Variants in SHLD1 observed in about 807,000 individuals in gnomAD.
The protein encoded by SHLD1 is RINN1-REV7-interacting novel NHEJ regulator 3.
A neutral mutation model predicts 5.5 loss-of-function variants in SHLD1; 3 were observed. The observed-to-expected ratio is 0.54, with a 90% CI of 0.25 to 1.40. The LOEUF is 1.40. SHLD1 is among the 40% of genes most tolerant of loss of function. The pLI is 0.15. For missense variants in SHLD1, 210 were observed against 244.4 expected, an observed-to-expected ratio of 0.86 and a Z score of 0.94; for synonymous variants, 92 against 94.3, an observed-to-expected ratio of 0.98 and a Z score of 0.14.
chr20:5,862,214 C>A (rs975938692), intron 2 of SHLD1, among the ~76,000 whole-genome samples: 3 of 152,134 alleles, frequency 2.0e-5, no homozygotes, highest in Non-Finnish European at 4.4e-5. Flanking sequence ...ATAGTGATAG[C>A]GTAAAAATTT....
At chr20:5,809,849 G>A (rs754037462) in intron 2 of SHLD1, among the ~76,000 whole-genome samples, 20 of 152,046 alleles carry the variant, frequency 1.3e-4, no homozygotes, top group Non-Finnish European at 2.5e-4. Context: ...TATCTAGCCC[G>A]ATAGCGCTGA....
chr20:5,773,324 G>C, intron 2 of SHLD1: 1 of 598,116 alleles, frequency 1.7e-6, no homozygotes. Context: ...TTCAGAAGCA[G>C]GGGAATATTT....
At chr20:5,851,546 A>G (rs2088010388) in intron 2 of SHLD1, among the ~76,000 whole-genome samples, 1 of 151,968 alleles carries the variant, frequency 6.6e-6, no homozygotes, top group African/African-American at 2.4e-5. Context: ...TCCAATAAAA[A>G]TATTATGTGA....
chr20:5,853,401 G>A lies in SHLD1; in HGVS notation c.179-9623G>A, dbSNP rs141397158. On this transcript the variant is annotated intron_variant, in intron 2 of 2. Transcript: ENST00000303142. ...GCAGAGTTTGCAGTCAGCCAAGATC[G>A]CGCCACTGCACTCCAGCCTGAGCGA... Among the ~76,000 whole-genome samples the A allele has an allele frequency of 9.4e-3, 1,428 of 152,240 alleles. 13 individuals are homozygous for A. Among genetic ancestry groups the A allele is most frequent in the Non-Finnish European group, 0.015 (991 of 68,006 alleles).
In SHLD1 at chr20:5,806,300, A is replaced by G. The variant is rs573133333; in HGVS notation, c.178+33257A>G. The stretch of plus-strand genomic sequence containing the variant: ...ACTTTAAAACTGTTGCTTACGCATC[A>G]TGCTATTGGTCCACAGTATATGGAT... On this transcript the variant is annotated intron_variant, in intron 2 of 2. Coordinates refer to ENST00000303142, the MANE Select transcript of SHLD1 (RefSeq NM_152504.4). This position sits in a 1 kb window ranked among gnomAD's most constrained non-coding sequence, Gnocchi z 7.6. 6.6e-6 allele frequency among the ~76,000 whole-genome samples: 1 copy of G among 152,374 alleles called. No homozygotes were observed. Among genetic ancestry groups the G allele is most frequent in the African/African-American group, 2.4e-5 (1 of 41,592 alleles).
intron 2 of SHLD1, among the ~76,000 whole-genome samples, chr20:5,841,291 G>T (rs1311312333): frequency 6.6e-6 from 1 of 151,940 alleles, no homozygotes; most frequent in East Asian, 1.9e-4. Context: ...TTACAGTTTG[G>T]TGAATTTTTA....
At chr20:5,833,188 T>C (rs1027466675) in intron 2 of SHLD1, among the ~76,000 whole-genome samples, 1 of 152,350 alleles carries the variant, frequency 6.6e-6, no homozygotes, top group African/African-American at 2.4e-5. Context: ...TGACTTTTTT[T>C]CCACGAGACT....
At chr20:5,792,677 TTTAAAAAA>T (rs1343797681) in intron 2 of SHLD1, among the ~76,000 whole-genome samples, 1 of 134,214 alleles carries the variant, frequency 7.5e-6, no homozygotes, top group African/African-American at 2.8e-5. Context: ...TTTTCTTTTT[TTTAAAAAA>T]AAAAAAGAAA....
chr20:5,767,970 G>A (rs1010457731), intron 1 of SHLD1, among the ~76,000 whole-genome samples: 3 of 138,974 alleles, frequency 2.2e-5, no homozygotes, highest in Admixed American at 1.5e-4. Flanking sequence ...ACTGAGTGAC[G>A]AATTCTTTTT....
At chr20:5,814,194 G>A (rs1157507928) in intron 2 of SHLD1, among the ~76,000 whole-genome samples, 3 of 151,790 alleles carry the variant, frequency 2.0e-5, no homozygotes, top group African/African-American at 4.8e-5. Context: ...GAGCTCAAGC[G>A]ATCCACCCAC....
At chr20:5,759,340 A>C (rs975794189) in intron 1 of SHLD1, among the ~76,000 whole-genome samples, 2 of 151,228 alleles carry the variant, frequency 1.3e-5, no homozygotes, top group African/African-American at 2.4e-5. Context: ...GCTCACTGCA[A>C]CCTCTGCCTC....
intron 1 of SHLD1, among the ~76,000 whole-genome samples, chr20:5,750,987 A>G (rs1182807557): frequency 6.6e-6 from 1 of 152,182 alleles, no homozygotes; most frequent in Non-Finnish European, 1.5e-5. Context: ...ACAGAGCAAG[A>G]CAACGTACCC....
chr20:5,838,539 T>A (rs2087816178), intron 2 of SHLD1, among the ~76,000 whole-genome samples: 1 of 152,218 alleles, frequency 6.6e-6, no homozygotes, highest in South Asian at 2.1e-4. Context: ...GGCAGGCAGA[T>A]CACCTGAGGT....
chr20:5,806,606 C>G lies in SHLD1; in HGVS notation c.178+33563C>G, dbSNP rs1445776806. Among the ~76,000 whole-genome samples the G allele has an allele frequency of 2.0e-5, 3 of 152,192 alleles. No homozygotes were observed. The highest frequency in any genetic ancestry group is 7.2e-5 in the African/African-American group (3 of 41,448). On this transcript the variant is annotated intron_variant, in intron 2 of 2. Transcript: ENST00000303142. This position sits in a 1 kb window ranked among gnomAD's most constrained non-coding sequence, Gnocchi z 7.6. ...AATTTTGATAGAAGTGGAACAGAGG[C>G]CTGCAGTGTTGTCCCAGGAGCTGTT...
chr20:5,783,377 C>T (rs1472630303), intron 2 of SHLD1, among the ~76,000 whole-genome samples: 6 of 152,126 alleles, frequency 3.9e-5, no homozygotes, highest in African/African-American at 1.4e-4. Flanking sequence ...GAGCCCGCCA[C>T]CACACCCGGC....
chr20:5,791,587 G>GAAA (rs2087141415), intron 2 of SHLD1, among the ~76,000 whole-genome samples: 1 of 138,270 alleles, frequency 7.2e-6, no homozygotes, highest in Non-Finnish European at 1.6e-5. Flanking sequence ...AAAAAAAAAG[G>GAAA]AAATGATATA....
intron 2 of SHLD1, among the ~76,000 whole-genome samples, chr20:5,861,563 G>A (rs1282562703): frequency 2.6e-5 from 4 of 152,208 alleles, no homozygotes; most frequent in East Asian, 1.9e-4. Flanking sequence ...CTTTTAGAAT[G>A]TGCTGATAAC....
chr20:5,839,486 A>AAGATAGATAGATAGATAGAT (rs3058152), intron 2 of SHLD1, among the ~76,000 whole-genome samples: 154 of 150,008 alleles, frequency 1.0e-3, no homozygotes, highest in Admixed American at 2.3e-3. Context: ...ATTAGATAGA[A>AAGATAGATAGATAGATAGAT]AGATAGATAG....
chr20:5,757,099 G>A (rs1984163018), intron 1 of SHLD1, among the ~76,000 whole-genome samples: 1 of 122,662 alleles, frequency 8.2e-6, no homozygotes, highest in African/African-American at 3.3e-5. Flanking sequence ...TTGAGACAGA[G>A]TTGCTCTGTC....
Sources: allele counts gnomAD v4.1 joint callset (sites outside exome capture counted in the v4.1 genomes callset), GRCh38; gene constraint gnomAD v4.1.1; non-coding constraint Gnocchi (gnomAD v3.1); transcripts MANE v1.5; gene names NCBI Gene and HGNC (gene_info 2026-07-23, HGNC 2026-07-21).